SETX: variants seen among roughly 807,000 people sequenced by gnomAD.
SETX encodes the protein senataxin, also known as helicase senataxin.
SETX carries 90 observed loss-of-function variants against 227.2 expected under a neutral mutation model. The observed-to-expected ratio is 0.40, with a 90% CI of 0.33 to 0.47. The LOEUF is 0.47. SETX is among the 20% of genes least tolerant of loss of function. SETX has a pLI of 0.91. For synonymous variants in SETX, 1,210 were observed against 1,113.2 expected (o/e 1.09, Z -1.73); for missense variants, 3,052 against 3,181.5 (o/e 0.96, Z 0.98).
chr9:132,272,108 G>T (rs982309222), intron 23 of SETX, among the ~76,000 whole-genome samples: 3 of 152,006 alleles, frequency 2.0e-5, no homozygotes, highest in Non-Finnish European at 2.9e-5. Context: ...CTGACCTCAT[G>T]ATCCGCCCGC....
upstream of SETX, among the ~76,000 whole-genome samples, chr9:132,355,443 T>C (rs1237457918): frequency 1.3e-5 from 2 of 152,236 alleles, no homozygotes; most frequent in African/African-American, 4.8e-5. Flanking sequence ...GAAATGTAAA[T>C]TACATAAACG....
intron 20 of SETX, among the ~76,000 whole-genome samples, chr9:132,279,864 T>C (rs1333277156): frequency 6.6e-6 from 1 of 151,904 alleles, no homozygotes; most frequent in Non-Finnish European, 1.5e-5. Flanking sequence ...ATTTACTGAT[T>C]GAAAAAAAAA....
chr9:132,334,672 C>T lies in SETX; in HGVS notation c.774G>A (p.Leu258=). The T allele has an allele frequency of 1.2e-6, 2 of 1,613,846 alleles. No homozygotes were observed. Among genetic ancestry groups the T allele is most frequent in the South Asian group, 2.2e-5 (2 of 91,078 alleles). The change falls in exon 7 of 26, where the codon TTG becomes TTA. Residue 258 remains leucine, a synonymous_variant. Coordinates refer to ENST00000224140, the MANE Select transcript of SETX (RefSeq NM_015046.7). ...LEEQAMDSLL[L]GSDKQNDFMQ... is the part of the protein sequence containing the mutation. ...TAAAATCATTTTGTTTGTCTGAGCC[C>T]AACAACAGGGAATCCATGGCTTGTT...
At position 132,264,813 on chromosome 9, in the gene SETX, T is replaced by G; in HGVS notation, c.7460A>C (p.Gln2487Pro). Reference sequence around the variant, plus strand: ...TAGCTTGCTGCTGGGCAAACCACCCTGGGGTCTGGACCCCTCTGGGGCTAT... The same window carrying G: ...TAGCTTGCTGCTGGGCAAACCACCCGGGGGTCTGGACCCCTCTGGGGCTAT... Reference protein sequence around the residue: ...PTIAPEGSRPQGGLPSSKLDS... With the variant: ...PTIAPEGSRPPGGLPSSKLDS... The change falls in exon 26 of 26, where the codon CAG becomes CCG. Residue 2487 changes from glutamine to proline, a missense_variant. Transcript: ENST00000224140. 1 of 1,614,216 alleles carries G rather than the reference T, an allele frequency of 6.2e-7. No homozygotes were observed.
chr9:132,344,187 C>G (rs1402199227), intron 4 of SETX, among the ~76,000 whole-genome samples: 2 of 152,116 alleles, frequency 1.3e-5, no homozygotes, highest in East Asian at 3.8e-4. Flanking sequence ...ATGACTGGAT[C>G]TGCACAGTTC....
chr9:132,317,430 C>G (rs1443445929), intron 10 of SETX, among the ~76,000 whole-genome samples: 1 of 152,148 alleles, frequency 6.6e-6, no homozygotes, highest in Non-Finnish European at 1.5e-5. Context: ...TACAACTGTT[C>G]CATCAATTGT....
intron 15 of SETX, among the ~76,000 whole-genome samples, chr9:132,290,461 G>C (rs1448010085): frequency 6.7e-6 from 1 of 150,164 alleles, no homozygotes; most frequent in Non-Finnish European, 1.5e-5. Context: ...TGTAATCCTA[G>C]CTACTCGGGA....
At position 132,329,807 on chromosome 9, in the gene SETX, G is replaced by C. The variant is rs1338284039; in HGVS notation, c.1791C>G (p.Phe597Leu). ...CLKQIIRNIKFKAPPCNTFVD... is the reference protein window; with the variant it reads ...CLKQIIRNIKLKAPPCNTFVD... ...CAAAAGTGTTACATGGAGGTGCTTT[G>C]AATTTTATGTTTCTAATAATTTGCT... is the stretch of plus-strand genomic sequence containing the variant. Residue 597 changes from phenylalanine (F) to leucine (L), a missense_variant, in exon 10 of 26, where the codon TTC becomes TTG. By Grantham distance (22) the Phe-to-Leu change is conservative. Around this residue, in one of 10 missense-constraint regions of SETX, gnomAD observed 1,483 missense variants for 1,312.0 expected, o/e 1.13. Coordinates refer to ENST00000224140, the MANE Select transcript of SETX (RefSeq NM_015046.7). The C allele has an allele frequency of 9.9e-6, 16 of 1,613,856 alleles. No homozygotes were observed. The highest frequency in any genetic ancestry group is 1.4e-5 in the Non-Finnish European group (16 of 1,179,968).
chr9:132,267,149 T>A (rs1842687688), intron 25 of SETX, among the ~76,000 whole-genome samples: 1 of 152,230 alleles, frequency 6.6e-6, no homozygotes, highest in Non-Finnish European at 1.5e-5. Context: ...AATGGTTTCT[T>A]GAATTTGATG....
At chr9:132,304,632 CAAAAAA>C (rs34179466) in intron 11 of SETX, among the ~76,000 whole-genome samples, 87 of 104,616 alleles carry the variant, frequency 8.3e-4, no homozygotes, top group South Asian at 1.8e-3. Context: ...GACCCTGTTT[CAAAAAA>C]AAAAAAAAAG....
chr9:132,276,757 T>C (rs1384054076), intron 22 of SETX, among the ~76,000 whole-genome samples: 2 of 152,240 alleles, frequency 1.3e-5, no homozygotes, highest in Non-Finnish European at 2.9e-5. Flanking sequence ...CTGGAATAAC[T>C]GCTTACCCAG....
chr9:132,280,691 A>G (rs1843450052), intron 20 of SETX, among the ~76,000 whole-genome samples: 1 of 152,250 alleles, frequency 6.6e-6, no homozygotes, highest in African/African-American at 2.4e-5. Context: ...TTATGAAGCC[A>G]CTGCTCAATT....
rs768636873 is a variant in SETX, at chr9:132,275,297, C to T, written c.7059G>A (p.Thr2353=). ...GIITHYKAQK[T]MIQKDLDKEF... is the part of the protein sequence containing the mutation. ...CTTTGTCCAAATCCTTCTGAATCAT[C>T]GTCTTCTGGGCCTTGTAATGAGTTA... is the stretch of plus-strand genomic sequence containing the variant. Residue 2353 remains threonine (T), a synonymous_variant, in exon 23 of 26, where the codon ACG becomes ACA. Coordinates refer to ENST00000224140, the MANE Select transcript of SETX (RefSeq NM_015046.7). 1.8e-5 allele frequency: 29 copies of T among 1,614,108 alleles called. No individual in the cohort carries two copies. The highest frequency in any genetic ancestry group is 2.2e-5 in the South Asian group (2 of 91,070).
At chr9:132,281,718 A>C (rs1843523881) in intron 19 of SETX, 144 bp from the exon 20 acceptor site, 1 of 708,030 alleles carries the variant, frequency 1.4e-6, no homozygotes, top group Non-Finnish European at 2.5e-6. Context: ...TTCCCTGAAA[A>C]CAAAAAAACA....
Position 132,326,657 on chromosome 9 carries a change from C to T in SETX, c.4941G>A (p.Lys1647=). Reference sequence around the variant, plus strand: ...ACGAATTCTTCATTTCACCAACTGGCTTCTGAGCTATGAGGGGAACTGGCT... The same window carrying T: ...ACGAATTCTTCATTTCACCAACTGGTTTCTGAGCTATGAGGGGAACTGGCT... ...VPQPVPLIAQ[K]PVGEMKNSCN... Residue 1647 remains lysine, a synonymous_variant, in exon 10 of 26, where the codon AAG becomes AAA. Transcript: ENST00000224140. 2 of 1,614,072 alleles carry T rather than the reference C, an allele frequency of 1.2e-6. No individual in the cohort carries two copies. The highest frequency in any genetic ancestry group is 1.7e-6 in the Non-Finnish European group (2 of 1,179,982).
intron 21 of SETX, 104 bp from the exon 22 acceptor site, chr9:132,277,256 A>C (rs1405574782): frequency 1.1e-6 from 1 of 888,712 alleles, no homozygotes; most frequent in East Asian, 2.6e-5. Flanking sequence ...GGGCTGGGGC[A>C]AGTAAGGGGA....
chr9:132,296,541 T>C (rs1383817052), intron 14 of SETX, among the ~76,000 whole-genome samples: 1 of 151,090 alleles, frequency 6.6e-6, no homozygotes, highest in Non-Finnish European at 1.5e-5. Flanking sequence ...CTAACCTGGA[T>C]GACAGCGAGA....
chr9:132,307,678 ATT>A (rs535908148), intron 11 of SETX, among the ~76,000 whole-genome samples: 18 of 135,344 alleles, frequency 1.3e-4, no homozygotes, highest in Non-Finnish European at 1.3e-4. Context: ...CTTACTAGTG[ATT>A]TTTTTTTTTT....
intron 4 of SETX, among the ~76,000 whole-genome samples, chr9:132,343,531 T>G (rs1848117774): frequency 6.6e-6 from 1 of 152,192 alleles, no homozygotes; most frequent in Non-Finnish European, 1.5e-5. Flanking sequence ...TCCCATTTAT[T>G]GAACAATCCA....
Sources: gnomAD v4.1 joint callset for allele counts (sites outside exome capture counted in the v4.1 genomes callset) on GRCh38, gnomAD v4.1.1 for gene constraint, gnomAD v4.1.1 regional missense constraint, MANE v1.5 for transcripts, NCBI Gene and HGNC (gene_info 2026-07-23, HGNC 2026-07-21) for gene names.